The following AXDND1 variants were observed in gnomAD, a reference collection of about 807,000 sequenced individuals.
The protein encoded by AXDND1 is axonemal dynein light chain domain containing 1, also known as axonemal dynein light chain domain-containing protein 1.
Under a neutral mutation model 137.5 loss-of-function variants are expected in AXDND1, and 110 were observed. The ratio of observed to expected loss-of-function variants is 0.80; its 90% CI spans 0.69 to 0.94. The LOEUF (loss-of-function observed/expected upper bound fraction) is 0.94, where lower values mean the gene tolerates loss of function less well. Ranked by LOEUF, AXDND1 falls within the 40% of genes least tolerant of loss-of-function variation. The probability of loss-of-function intolerance (pLI) is 0.00; values close to 1 mark genes in which losing one functional copy is unlikely to be tolerated. For missense variants in AXDND1, 1,191 were observed against 1,169.8 expected (o/e 1.02, Z -0.26); for synonymous variants, 414 against 399.7 (o/e 1.04, Z -0.43).
At chr1:179,533,933 G>T in intron 24 of AXDND1, 56 bp downstream of exon 24, 2 of 1,500,658 alleles carry the variant, frequency 1.3e-6, no homozygotes, top group South Asian at 1.1e-5. Context: ...CAGAAGGTTT[G>T]ACTGAGAAAT....
At chr1:179,418,158 C>G (rs1377544347) in intron 12 of AXDND1, among the ~76,000 whole-genome samples, 1 of 151,736 alleles carries the variant, frequency 6.6e-6, no homozygotes. Flanking sequence ...GTTTGTGTCC[C>G]TGGGTACTTA....
chr1:179,512,241 A>C (rs1262854267), intron 21 of AXDND1, among the ~76,000 whole-genome samples: 1 of 152,170 alleles, frequency 6.6e-6, no homozygotes, highest in Non-Finnish European at 1.5e-5. Flanking sequence ...ATTTTTGTAT[A>C]AGGTGAGAGA....
chr1:179,389,283 T>C (rs1375957848), intron 9 of AXDND1, among the ~76,000 whole-genome samples: 1 of 152,194 alleles, frequency 6.6e-6, no homozygotes, highest in Non-Finnish European at 1.5e-5. Flanking sequence ...CATTTTTAGA[T>C]TCTAACTTTT....
chr1:179,473,719 G>A (rs1300265624), intron 17 of AXDND1, among the ~76,000 whole-genome samples: 1 of 152,122 alleles, frequency 6.6e-6, no homozygotes, highest in Non-Finnish European at 1.5e-5. Flanking sequence ...GATCATGAGA[G>A]CAGTTACCCC....
At chr1:179,470,308 A>G (rs946395808) in intron 17 of AXDND1, among the ~76,000 whole-genome samples, 6 of 152,124 alleles carry the variant, frequency 3.9e-5, no homozygotes, top group African/African-American at 7.2e-5. Context: ...GTACCTTGCA[A>G]TTCCGTATAA....
intron 20 of AXDND1, among the ~76,000 whole-genome samples, chr1:179,499,794 T>C (rs1178585158): frequency 6.6e-6 from 1 of 152,110 alleles, no homozygotes; most frequent in East Asian, 1.9e-4. Context: ...ATTAGAAAGA[T>C]AGTAGGAAGA....
At chr1:179,483,009 C>G in intron 17 of AXDND1, 119 bp from the exon 18 acceptor site, 1 of 575,562 alleles carries the variant, frequency 1.7e-6, no homozygotes. Flanking sequence ...AGTTCTCAAG[C>G]AGTTGTCAAC....
intron 3 of AXDND1, among the ~76,000 whole-genome samples, chr1:179,369,302 T>G (rs988363196): frequency 6.6e-6 from 1 of 152,132 alleles, no homozygotes; most frequent in Admixed American, 6.6e-5. Context: ...GGTCTCAAAT[T>G]CCTGGGCTCA....
At position 179,385,138 on chromosome 1, in the gene AXDND1, C is replaced by T. The variant is rs144830533; in HGVS notation, c.742-100C>T. ...AATGTAAGTGAAATAAATTAATCAA[C>T]GTGTTTCTAAAACTTATTTACATTC... On this transcript the variant is annotated intron_variant, in intron 8 of 25. Coordinates refer to ENST00000367618, the MANE Select transcript of AXDND1 (RefSeq NM_144696.6). 2.0e-3 allele frequency: 1,898 copies of T among 940,982 alleles called. 2 individuals are homozygous for T. The highest frequency in any genetic ancestry group is 2.8e-3 in the Non-Finnish European group (1,735 of 623,776). 58.3% of individuals were successfully genotyped at this position (940,982 alleles called of 1,614,324 possible).
At position 179,525,331 on chromosome 1, in the gene AXDND1, C is replaced by T; in HGVS notation, c.2497-3C>T. 6.2e-7 allele frequency: 1 copy of T among 1,608,010 alleles called. No individual in the cohort carries two copies. Among genetic ancestry groups the T allele is most frequent in the Non-Finnish European group, 8.5e-7 (1 of 1,177,056 alleles). On this transcript the variant is annotated splice_polypyrimidine_tract_variant and splice_region_variant and intron_variant, in intron 21 of 25. Coordinates refer to ENST00000367618, the MANE Select transcript of AXDND1 (RefSeq NM_144696.6). The stretch of plus-strand genomic sequence containing the variant: ...TTAATCATAATATTGGTTCATCTCA[C>T]AGGAGGCTGTAAAAGAATTCATTGA...
At chr1:179,392,023 C>A (rs1650283084) in intron 9 of AXDND1, among the ~76,000 whole-genome samples, 1 of 152,152 alleles carries the variant, frequency 6.6e-6, no homozygotes, top group Admixed American at 6.5e-5. Context: ...ATTACCCTGT[C>A]TTGGGTATAT....
intron 4 of AXDND1, among the ~76,000 whole-genome samples, chr1:179,373,315 C>T (rs866000025): frequency 3.3e-5 from 5 of 152,140 alleles, no homozygotes; most frequent in South Asian, 4.1e-4. Flanking sequence ...CACTGCTCAA[C>T]GAAATAAAAG....
intron 16 of AXDND1, chr1:179,455,760 A>T (rs1661305373): frequency 5.9e-6 from 1 of 170,822 alleles, no homozygotes; most frequent in African/African-American, 2.4e-5. Flanking sequence ...AACGAGAGAT[A>T]GTAGGACAAT....
Position 179,429,592 on chromosome 1 carries a change from GC to G in AXDND1, c.1306del (p.His436IlefsTer20). The G allele has an allele frequency of 6.3e-7, 1 of 1,575,574 alleles. No homozygotes were observed. The highest frequency in any genetic ancestry group is 1.2e-5 in the South Asian group (1 of 84,452). ...AAAAAGGCTGGAATAAATACACTAA[GC>G]ATTTCATCATACTGCTATCAAACAA... ...NEKGWNKYTKHFIILLSNKDT... is the reference protein window; with the variant it reads ...NEKGWNKYTKXFIILLSNKDT... On this transcript the variant is annotated frameshift_variant, in exon 13 of 26. Transcript: ENST00000367618. LOFTEE classifies it high-confidence loss of function.
chr1:179,402,574 C>A (rs1275592181), intron 11 of AXDND1, among the ~76,000 whole-genome samples: 3 of 152,188 alleles, frequency 2.0e-5, no homozygotes, highest in Admixed American at 6.5e-5. Flanking sequence ...AAACTTGCAG[C>A]AAACGTTCCT....
Position 179,368,796 on chromosome 1 carries a change from T to C in AXDND1, c.98-4T>C. The C allele has an allele frequency of 1.2e-6, 2 of 1,603,018 alleles. No homozygotes were observed. Among genetic ancestry groups the C allele is most frequent in the South Asian group, 2.2e-5 (2 of 89,570 alleles). On this transcript the variant is annotated splice_polypyrimidine_tract_variant and splice_region_variant and intron_variant, in intron 2 of 25. Coordinates refer to ENST00000367618, the MANE Select transcript of AXDND1 (RefSeq NM_144696.6). ...AGAGTTTTTCTTTTCCACTACTTAC[T>C]TAGGACTTCCTGAGCTAAAGGAGAA...
chr1:179,444,868 C>A, intron 15 of AXDND1, 102 bp from the exon 16 acceptor site: 1 of 716,720 alleles, frequency 1.4e-6, no homozygotes, highest in Non-Finnish European at 2.3e-6. Flanking sequence ...GGATATGCAA[C>A]TCCAAAATAA....
At chr1:179,424,443 T>TA (rs1656257362) in intron 12 of AXDND1, among the ~76,000 whole-genome samples, 1 of 150,058 alleles carries the variant, frequency 6.7e-6, no homozygotes, top group East Asian at 1.9e-4. Context: ...TTTTTTTTTT[T>TA]TTGAGACAGA....
intron 17 of AXDND1, among the ~76,000 whole-genome samples, chr1:179,481,547 G>GAGC (rs1665383634): frequency 6.6e-6 from 1 of 152,130 alleles, no homozygotes; most frequent in Non-Finnish European, 1.5e-5. Flanking sequence ...CTGGATCCCT[G>GAGC]AGGAATCACC....
Sources: allele counts gnomAD v4.1 joint callset (sites outside exome capture counted in the v4.1 genomes callset), GRCh38; gene constraint gnomAD v4.1.1; transcripts MANE v1.5; gene names NCBI Gene and HGNC (gene_info 2026-07-23, HGNC 2026-07-21).